TTBK2: variants seen among roughly 807,000 people sequenced by gnomAD.
The protein encoded by TTBK2 is tau-tubulin kinase 2.
TTBK2 carries 28 observed loss-of-function variants against 110.8 expected under a neutral mutation model. The observed-to-expected ratio is 0.25, with a 90% CI of 0.19 to 0.35. The LOEUF is 0.35. Ranked by LOEUF, TTBK2 falls within the 10% of genes least tolerant of loss-of-function variation. The pLI is 1.00. For missense variants in TTBK2, 1,369 were observed against 1,500.3 expected, an observed-to-expected ratio of 0.91 and a Z score of 1.45; for synonymous variants, 532 against 527.3, an observed-to-expected ratio of 1.01 and a Z score of -0.12.
chr15:42,905,027 A>G (rs1182990534), intron 1 of TTBK2, among the ~76,000 whole-genome samples: 2 of 151,896 alleles, frequency 1.3e-5, no homozygotes, highest in East Asian at 3.9e-4. Flanking sequence ...ACATGCCACC[A>G]TGCCCGCCTA....
At chr15:42,799,109 C>T (rs1376825510) in intron 9 of TTBK2, among the ~76,000 whole-genome samples, 2 of 152,064 alleles carry the variant, frequency 1.3e-5, no homozygotes, top group Non-Finnish European at 2.9e-5. Flanking sequence ...GTGGCTCAGG[C>T]CTGTTATTCT....
At chr15:42,815,908 T>TAA (rs1567040278) in intron 7 of TTBK2, among the ~76,000 whole-genome samples, 1 of 98,214 alleles carries the variant, frequency 1.0e-5, no homozygotes, top group African/African-American at 5.5e-5. Context: ...ATATATATAT[T>TAA]TAAAAATATA....
chr15:42,751,892 A>T, intron 14 of TTBK2, 82 bp downstream of exon 14: 1 of 1,511,008 alleles, frequency 6.6e-7, no homozygotes, highest in African/African-American at 1.4e-5. Context: ...GCAACACAGA[A>T]ATGTTGCCAT....
At chr15:42,766,414 G>A (rs1321285554) in intron 13 of TTBK2, among the ~76,000 whole-genome samples, 1 of 123,978 alleles carries the variant, frequency 8.1e-6, no homozygotes, top group African/African-American at 3.3e-5. Flanking sequence ...AAAATAAAGG[G>A]ACGAAGGAAG....
intron 3 of TTBK2, among the ~76,000 whole-genome samples, chr15:42,863,332 G>A (rs1345891513): frequency 6.6e-6 from 1 of 151,930 alleles, no homozygotes; most frequent in African/African-American, 2.4e-5. Flanking sequence ...AAAAAAGAAT[G>A]AAAAATAAAT....
chr15:42,790,839 A>G (rs974591127), intron 10 of TTBK2, among the ~76,000 whole-genome samples: 2 of 152,036 alleles, frequency 1.3e-5, no homozygotes, highest in Admixed American at 6.6e-5. Context: ...AGCTGGGACT[A>G]CAGGTGTGCG....
In TTBK2 at chr15:42,854,031, G is replaced by A. The variant is rs117839071; in HGVS notation, c.218-13598C>T. On this transcript the variant is annotated intron_variant, in intron 3 of 14. Transcript: ENST00000267890. Reference sequence around the variant, plus strand: ...GCTCACTGCAGCCTTGATCTCCTGGGCTCAAGTGATCCTCCTACCTTAGCC... The same window carrying A: ...GCTCACTGCAGCCTTGATCTCCTGGACTCAAGTGATCCTCCTACCTTAGCC... 2.4e-3 allele frequency among the ~76,000 whole-genome samples: 370 copies of A among 152,122 alleles called. 2 individuals are homozygous for A. The highest frequency in any genetic ancestry group is 3.4e-3 in the Non-Finnish European group (233 of 68,006).
At chr15:42,878,502 C>A (rs1193103663) in intron 2 of TTBK2, 47 bp downstream of exon 2, 2 of 1,592,556 alleles carry the variant, frequency 1.3e-6, no homozygotes, top group Middle Eastern at 1.7e-4. Context: ...TACACACACA[C>A]ACACACACAC....
intron 13 of TTBK2, among the ~76,000 whole-genome samples, chr15:42,757,771 T>C (rs566216136): frequency 6.6e-6 from 1 of 152,372 alleles, no homozygotes; most frequent in East Asian, 1.9e-4. Context: ...TTAATTTCCA[T>C]AATTCACAAA....
At chr15:42,781,304 T>A (rs1045584121) in intron 11 of TTBK2, among the ~76,000 whole-genome samples, 3 of 152,044 alleles carry the variant, frequency 2.0e-5, no homozygotes, top group African/African-American at 7.2e-5. Flanking sequence ...ACTTAACTCA[T>A]GGATGAAAAA....
rs535953971 is a variant in TTBK2, at chr15:42,764,662, T to C, written c.1998+10473A>G. On this transcript the variant is annotated intron_variant, in intron 13 of 14. Transcript: ENST00000267890. ...AGCAAGGCCTGCTGCCTCTGTAGAC[T>C]CCACCTCTGGGGGCAGAGCATAGCT... is the stretch of plus-strand genomic sequence containing the variant. 3.5e-3 allele frequency among the ~76,000 whole-genome samples: 532 copies of C among 152,350 alleles called. 1 individual carries two copies. Among genetic ancestry groups the C allele is most frequent in the African/African-American group, 0.012 (510 of 41,586 alleles).
At chr15:42,835,562 TAA>T (rs1347500131) in intron 4 of TTBK2, among the ~76,000 whole-genome samples, 1 of 151,982 alleles carries the variant, frequency 6.6e-6, no homozygotes, top group Non-Finnish European at 1.5e-5. Context: ...ACCAATTGAT[TAA>T]AAGAGGCTTA....
chr15:42,911,044 C>CAA (rs1386223617), intron 1 of TTBK2, among the ~76,000 whole-genome samples: 6 of 62,514 alleles, frequency 9.6e-5, no homozygotes, highest in South Asian at 4.7e-4. Flanking sequence ...AACTCCGTCT[C>CAA]AAAAAAAAAA....
At chr15:42,775,807 G>T in intron 12 of TTBK2, 84 bp from the exon 13 acceptor site, 1 of 1,082,688 alleles carries the variant, frequency 9.2e-7, no homozygotes, top group Non-Finnish European at 1.3e-6. Flanking sequence ...GAACTAATAT[G>T]GACACAAAGA....
chr15:42,902,686 G>A lies in TTBK2; in HGVS notation c.-68+17752C>T, dbSNP rs143568757. ...GGACAGTTACTGTGAAAAACAGTGC[G>A]GCAGTTCCTCAAATAATCAAACAGG... On this transcript the variant is annotated intron_variant, in intron 1 of 14. Transcript: ENST00000267890. Among the ~76,000 whole-genome samples the A allele has an allele frequency of 1.2e-3, 183 of 151,978 alleles. 1 individual carries two copies. Among genetic ancestry groups the A allele is most frequent in the Admixed American group, 9.2e-3 (141 of 15,264 alleles).
chr15:42,876,859 G>A (rs1380152373), intron 2 of TTBK2, among the ~76,000 whole-genome samples: 1 of 152,168 alleles, frequency 6.6e-6, no homozygotes, highest in African/African-American at 2.4e-5. Context: ...AGAAGACAAT[G>A]TGAAGTGTGT....
intron 10 of TTBK2, among the ~76,000 whole-genome samples, chr15:42,784,281 T>C (rs1890311389): frequency 6.6e-6 from 1 of 152,138 alleles, no homozygotes; most frequent in African/African-American, 2.4e-5. Flanking sequence ...TAACAACATT[T>C]TTTTTCTTTT....
At chr15:42,771,937 G>C (rs995168740) in intron 13 of TTBK2, among the ~76,000 whole-genome samples, 3 of 152,108 alleles carry the variant, frequency 2.0e-5, no homozygotes, top group African/African-American at 4.8e-5. Flanking sequence ...GGTACGAAAA[G>C]AGAAAATAAT....
intron 13 of TTBK2, among the ~76,000 whole-genome samples, chr15:42,763,272 A>T (rs1889190592): frequency 8.6e-6 from 1 of 115,666 alleles, no homozygotes; most frequent in Non-Finnish European, 1.6e-5. Flanking sequence ...TGGAGCACAG[A>T]GTGCGATCTT....
Sources: gnomAD v4.1 joint callset for allele counts (sites outside exome capture counted in the v4.1 genomes callset) on GRCh38, gnomAD v4.1.1 for gene constraint, MANE v1.5 for transcripts, NCBI Gene and HGNC (gene_info 2026-07-23, HGNC 2026-07-21) for gene names.